The following DPY19L1 variants were observed in gnomAD, a reference collection of about 807,000 sequenced individuals.
DPY19L1 encodes the protein protein C-mannosyl-transferase DPY19L1.
DPY19L1 carries 35 observed loss-of-function variants against 96.9 expected under a neutral mutation model. The ratio of observed to expected loss-of-function variants is 0.36; its 90% CI spans 0.28 to 0.48. DPY19L1 has a LOEUF of 0.48. DPY19L1 is among the 20% of genes least tolerant of loss of function. The pLI is 0.99. For missense variants in DPY19L1, 521 were observed against 777.9 expected (o/e 0.67, Z 3.93); for synonymous variants, 205 against 252.6 (o/e 0.81, Z 1.79).
intron 6 of DPY19L1, among the ~76,000 whole-genome samples, chr7:35,002,532 A>T (rs948365154): frequency 1.3e-5 from 2 of 152,232 alleles, no homozygotes; most frequent in Non-Finnish European, 2.9e-5. Context: ...AAATAATTCA[A>T]GAAAATTCTC....
chr7:34,991,190 C>T (rs180827870), intron 6 of DPY19L1, among the ~76,000 whole-genome samples: 177 of 152,302 alleles, frequency 1.2e-3, no homozygotes, highest in African/African-American at 4.1e-3. Context: ...TGAGGAAAGA[C>T]AGAAATGTCT....
intron 16 of DPY19L1, among the ~76,000 whole-genome samples, chr7:34,944,033 G>T (rs1414070779): frequency 3.3e-5 from 5 of 152,126 alleles, no homozygotes; most frequent in Non-Finnish European, 7.3e-5. Context: ...ACTTGGAGGT[G>T]AGGGAATAAT....
chr7:35,003,979 C>T (rs1437341703), intron 6 of DPY19L1, among the ~76,000 whole-genome samples: 1 of 152,176 alleles, frequency 6.6e-6, no homozygotes, highest in Non-Finnish European at 1.5e-5. Flanking sequence ...TTGAACAGGC[C>T]GCTCCCCACT....
At chr7:34,976,710 T>A (rs1784838729) in intron 7 of DPY19L1, among the ~76,000 whole-genome samples, 1 of 152,214 alleles carries the variant, frequency 6.6e-6, no homozygotes, top group Admixed American at 6.5e-5. Flanking sequence ...CAGCAACCCC[T>A]CTGTCAGAAG....
intron 7 of DPY19L1, among the ~76,000 whole-genome samples, chr7:34,986,985 A>T (rs1164492549): frequency 2.0e-5 from 3 of 151,936 alleles, no homozygotes; most frequent in Non-Finnish European, 2.9e-5. Flanking sequence ...CTTCATAATA[A>T]TTTTTTTAAT....
At chr7:34,959,118 T>C (rs1784438058) in intron 10 of DPY19L1, among the ~76,000 whole-genome samples, 1 of 151,730 alleles carries the variant, frequency 6.6e-6, no homozygotes, top group African/African-American at 2.4e-5. Context: ...AAAAAAAAGC[T>C]CATCATAATT....
At chr7:34,997,582 C>T (rs1584245793) in intron 6 of DPY19L1, among the ~76,000 whole-genome samples, 1 of 134,704 alleles carries the variant, frequency 7.4e-6, no homozygotes, top group Admixed American at 8.2e-5. Context: ...TGCACTCCAG[C>T]CTGGGCAACT....
intron 6 of DPY19L1, among the ~76,000 whole-genome samples, chr7:34,997,436 C>CAAAAAAAAAAAAA (rs397836742): frequency 2.2e-4 from 20 of 91,884 alleles, no homozygotes; most frequent in Non-Finnish European, 2.6e-4. Context: ...ACTAAAAATA[C>CAAAAAAAAAAAAA]AAAAAAAAAA....
chr7:34,945,550 A>T (rs879408904), intron 16 of DPY19L1, 117 bp downstream of exon 16: 67 of 753,460 alleles, frequency 8.9e-5, no homozygotes, highest in Non-Finnish European at 1.2e-4. Flanking sequence ...GACCACAATA[A>T]AAACATCAAT....
intron 11 of DPY19L1, 60 bp downstream of exon 11, chr7:34,957,924 G>A: frequency 8.7e-7 from 1 of 1,151,462 alleles, no homozygotes; most frequent in Non-Finnish European, 1.2e-6. Context: ...AGCCAGTGAA[G>A]AAAAAATTGT....
chr7:35,019,767 AGTTT>A (rs756370950), intron 1 of DPY19L1, among the ~76,000 whole-genome samples: 39 of 152,204 alleles, frequency 2.6e-4, no homozygotes, highest in Non-Finnish European at 5.3e-4. Flanking sequence ...TATCTAACTT[AGTTT>A]GTCATTTGAC....
chr7:34,939,429 T>A (rs1783947579), intron 19 of DPY19L1, 54 bp from the exon 20 acceptor site: 20 of 1,483,552 alleles, frequency 1.3e-5, no homozygotes, highest in Non-Finnish European at 1.9e-5. Flanking sequence ...CGAGAAGGTG[T>A]CTCCTTCAAG....
chr7:34,961,794 C>T (rs1051906525), intron 10 of DPY19L1, among the ~76,000 whole-genome samples: 2 of 151,718 alleles, frequency 1.3e-5, no homozygotes, highest in Admixed American at 6.6e-5. Context: ...AATGAACAAC[C>T]CAAGGAAAAA....
chr7:34,979,309 C>T lies in DPY19L1; in HGVS notation c.823-5704G>A, dbSNP rs577056794. On this transcript the variant is annotated intron_variant, in intron 7 of 21. Transcript: ENST00000638088. ...TATCATGTGGTTATAAACTACACTG[C>T]TCAAGGTTATCAACATAACCAAAAT... is the stretch of plus-strand genomic sequence containing the variant. 9.9e-5 allele frequency among the ~76,000 whole-genome samples: 15 copies of T among 152,130 alleles called. No individual in the cohort carries two copies. In the East Asian group the frequency reaches 2.5e-3, roughly 25 times the overall value.
At chr7:34,959,927 A>ATT (rs1554352908) in intron 10 of DPY19L1, among the ~76,000 whole-genome samples, 232 of 27,294 alleles carry the variant, frequency 8.5e-3, no homozygotes, top group Non-Finnish European at 9.8e-3. Context: ...ATATATATTT[A>ATT]TATATATATA....
At chr7:34,971,409 G>C (rs1784721881) in intron 8 of DPY19L1, among the ~76,000 whole-genome samples, 1 of 152,086 alleles carries the variant, frequency 6.6e-6, no homozygotes, top group Non-Finnish European at 1.5e-5. Context: ...GGCAAGCAGG[G>C]AGCCATGACA....
At chr7:35,007,988 C>T (rs1584252411) in intron 6 of DPY19L1, among the ~76,000 whole-genome samples, 1 of 152,030 alleles carries the variant, frequency 6.6e-6, no homozygotes, top group East Asian at 1.9e-4. Context: ...CTGAATCCTC[C>T]ACAACACTCC....
chr7:34,950,299 C>T (rs1040080710), intron 13 of DPY19L1, among the ~76,000 whole-genome samples: 7 of 151,992 alleles, frequency 4.6e-5, no homozygotes, highest in South Asian at 2.1e-4. Flanking sequence ...AAAAGAAATA[C>T]GAATTCTGAA....
At chr7:34,951,854 TAAG>T (rs1004176884) in intron 13 of DPY19L1, among the ~76,000 whole-genome samples, 15 of 151,886 alleles carry the variant, frequency 9.9e-5, no homozygotes, top group African/African-American at 3.1e-4. Flanking sequence ...CTCAACATAG[TAAG>T]AAGAATAGGC....
Sources: gnomAD v4.1 joint callset for allele counts (sites outside exome capture counted in the v4.1 genomes callset) on GRCh38, gnomAD v4.1.1 for gene constraint, MANE v1.5 for transcripts, NCBI Gene and HGNC (gene_info 2026-07-23, HGNC 2026-07-21) for gene names.